ZNF710: variants seen among roughly 807,000 people sequenced by gnomAD.
ZNF710 encodes zinc finger protein 710.
ZNF710 carries 13 observed loss-of-function variants against 50.6 expected under a neutral mutation model. The ratio of observed to expected loss-of-function variants is 0.26; its 90% CI spans 0.17 to 0.41. The LOEUF is 0.41. Ranked by LOEUF, ZNF710 falls within the 10% of genes least tolerant of loss-of-function variation. The pLI, the probability that ZNF710 is intolerant of heterozygous loss-of-function variation, is 1.00. For synonymous variants in ZNF710, 383 were observed against 397.0 expected, an observed-to-expected ratio of 0.96 and a Z score of 0.42; for missense variants, 721 against 936.6, an observed-to-expected ratio of 0.77 and a Z score of 3.01.
chr15:90,036,920 C>G (rs571634832), intron 1 of ZNF710, among the ~76,000 whole-genome samples: 2 of 152,270 alleles, frequency 1.3e-5, no homozygotes, highest in South Asian at 4.1e-4. Context: ...AGAGAGGCAG[C>G]CCAGGTTGCT....
chr15:90,036,834 A>G (rs1008129723), intron 1 of ZNF710, among the ~76,000 whole-genome samples: 6 of 152,142 alleles, frequency 3.9e-5, no homozygotes, highest in Non-Finnish European at 5.9e-5. Flanking sequence ...CATGGCCTTC[A>G]AGGCTCTGTC....
chr15:90,065,452 C>T (rs1021005091), intron 1 of ZNF710, among the ~76,000 whole-genome samples: 1 of 152,188 alleles, frequency 6.6e-6, no homozygotes, highest in Non-Finnish European at 1.5e-5. Context: ...CACTGCCTGG[C>T]GTGCTGCAGT....
chr15:90,030,390 G>A (rs1898903435), intron 1 of ZNF710, among the ~76,000 whole-genome samples: 1 of 149,212 alleles, frequency 6.7e-6, no homozygotes, highest in African/African-American at 2.5e-5. Flanking sequence ...TATAGATGAG[G>A]AAACTGAGGC....
At chr15:90,036,238 C>A (rs934487943) in intron 1 of ZNF710, among the ~76,000 whole-genome samples, 2 of 127,992 alleles carry the variant, frequency 1.6e-5, no homozygotes, top group African/African-American at 5.8e-5. Flanking sequence ...CCGCCCGCCC[C>A]CCACCCCCTC....
chr15:90,019,199 T>C (rs1898542644), intron 1 of ZNF710, among the ~76,000 whole-genome samples: 1 of 148,458 alleles, frequency 6.7e-6, no homozygotes, highest in South Asian at 2.1e-4. Flanking sequence ...TTTTTTTTTT[T>C]TTTTTTTTTT....
In ZNF710 at chr15:90,062,136, C is replaced by T. The variant is rs1900027423; in HGVS notation, c.-28-4974C>T. ...CGCCTTTGTTTCTTGGCCTCCACAG[C>T]CTCATTCTCTCTCCCTCCCCCTCAC... On this transcript the variant is annotated intron_variant, in intron 1 of 4. Transcript: ENST00000268154. The surrounding 1 kb of genome is among the most constrained non-coding windows in gnomAD (Gnocchi z 5.6). Among the ~76,000 whole-genome samples, 1 of 150,506 alleles carries T rather than the reference C, an allele frequency of 6.6e-6. No individual in the cohort carries two copies. Among genetic ancestry groups the T allele is most frequent in the South Asian group, 2.1e-4 (1 of 4,758 alleles).
At chr15:90,031,032 A>AAAAC (rs1555456812) in intron 1 of ZNF710, among the ~76,000 whole-genome samples, 6 of 150,956 alleles carry the variant, frequency 4.0e-5, no homozygotes, top group Non-Finnish European at 7.4e-5. Context: ...AAAAAAGAAA[A>AAAAC]AAAAAAAAAT....
chr15:90,079,048 A>G (rs1006491488), intron 4 of ZNF710, among the ~76,000 whole-genome samples: 3 of 152,260 alleles, frequency 2.0e-5, no homozygotes, highest in African/African-American at 7.2e-5. Flanking sequence ...ACCAATGGCT[A>G]GAACCAACAG....
intron 1 of ZNF710, among the ~76,000 whole-genome samples, chr15:90,011,344 A>G (rs548185960): frequency 5.9e-5 from 9 of 152,196 alleles, no homozygotes; most frequent in African/African-American, 1.7e-4. Flanking sequence ...CCTGGCCTCA[A>G]CCCATGCTCC....
At position 90,067,446 on chromosome 15, in the gene ZNF710, G is replaced by T; in HGVS notation, c.309G>T (p.Val103=). ...CCCGGCGGAAGACGCGGCCACCTGT[G>T]CGGTTGGTGCCCAAGGTCAAGTTCG... ...KHTRRKTRPP[V]RLVPKVKFEK... is the part of the protein sequence containing the mutation. Residue 103 remains valine, a synonymous_variant, in exon 2 of 5, where the codon GTG becomes GTT. Coordinates refer to ENST00000268154, the MANE Select transcript of ZNF710 (RefSeq NM_198526.4). The surrounding 1 kb of genome is among the most constrained non-coding windows in gnomAD (Gnocchi z 8.1). 1 of 1,610,632 alleles carries T rather than the reference G, an allele frequency of 6.2e-7. No homozygotes were observed. The highest frequency in any genetic ancestry group is 8.5e-7 in the Non-Finnish European group (1 of 1,178,312).
In ZNF710 at chr15:90,067,808, C is replaced by T. The variant is rs752629448; in HGVS notation, c.671C>T (p.Ala224Val). ...TGTGGGTTCGAGCCACCCCACCTGG[C>T]CCCCCTGAGTGACCCCGAGGCCCCC... ...TECGFEPPHL[A>V]PLSDPEAPSM... Residue 224 changes from alanine to valine, a missense_variant, in exon 2 of 5, where the codon GCC becomes GTC. Physicochemically the swap from Ala to Val is moderately conservative, Grantham distance 64. This residue lies in a region of ZNF710 where 326 missense variants were observed against 347.1 expected (regional missense o/e 0.94). Coordinates refer to ENST00000268154, the MANE Select transcript of ZNF710 (RefSeq NM_198526.4). The surrounding 1 kb of genome is among the most constrained non-coding windows in gnomAD (Gnocchi z 8.1). 21 of 1,581,570 alleles carry T rather than the reference C, an allele frequency of 1.3e-5. No individual in the cohort carries two copies. The South Asian group carries it at 1.8e-4, about 14-fold the overall frequency.
In ZNF710 at chr15:90,067,023, T is replaced by G. The variant is rs1596055750; in HGVS notation, c.-28-87T>G. On this transcript the variant is annotated intron_variant, in intron 1 of 4. Coordinates refer to ENST00000268154, the MANE Select transcript of ZNF710 (RefSeq NM_198526.4). The surrounding 1 kb of genome is among the most constrained non-coding windows in gnomAD (Gnocchi z 8.1). ...ACATCAGAGCCAGACACACCCAAAA[T>G]CAGCCAAGCCCTTGTCTGTGCTGTG... 1 of 1,431,490 alleles carries G rather than the reference T, an allele frequency of 7.0e-7. No individual in the cohort carries two copies. The highest frequency in any genetic ancestry group is 1.4e-5 in the African/African-American group (1 of 69,738). 88.7% of individuals were successfully genotyped at this position (1,431,490 alleles called of 1,614,324 possible).
At position 90,082,019 on chromosome 15, in the gene ZNF710, G is replaced by A. The variant is rs1900734718; in HGVS notation, c.*2190G>A. 1 of 152,216 alleles carries A rather than the reference G, an allele frequency of 6.6e-6. No individual in the cohort carries two copies. The highest frequency in any genetic ancestry group is 1.5e-5 in the Non-Finnish European group (1 of 68,042). 9.4% of individuals were successfully genotyped at this position (152,216 alleles called of 1,614,324 possible). ...CTAACCTTCTCAAAAGAGGTGCACA[G>A]CCTCTCGGGTGACTTGGAAACTCCT... On this transcript the variant is annotated 3_prime_UTR_variant, in exon 5 of 5. Transcript: ENST00000268154.
At chr15:90,051,543 G>T (rs1899646578) in intron 1 of ZNF710, among the ~76,000 whole-genome samples, 1 of 152,032 alleles carries the variant, frequency 6.6e-6, no homozygotes, top group African/African-American at 2.4e-5. Context: ...TGAGGCAGGA[G>T]AATCGCTTGA....
chr15:90,061,118 A>C (rs1339560633), intron 1 of ZNF710, among the ~76,000 whole-genome samples: 2 of 151,704 alleles, frequency 1.3e-5, no homozygotes, highest in African/African-American at 4.9e-5. Flanking sequence ...ACCTCTGTCT[A>C]TTGGTTGTTT....
intron 1 of ZNF710, among the ~76,000 whole-genome samples, chr15:90,015,017 T>C (rs946659890): frequency 4.6e-5 from 7 of 151,692 alleles, no homozygotes; most frequent in African/African-American, 1.7e-4. Flanking sequence ...CTCAGCCTCC[T>C]GAGTAGCTGG....
chr15:90,068,200 G>A lies in ZNF710; in HGVS notation c.1063G>A (p.Val355Ile), dbSNP rs764721712. The part of the protein sequence containing the change: ...HQGTRPHKCQ[V>I]CHKAFTQTSH... ...GGGCACCCGGCCCCACAAGTGCCAG[G>A]TATGCCACAAGGCCTTCACGCAGAC... The change falls in exon 2 of 5, where the codon GTA (valine) becomes ATA (isoleucine). Residue 355 changes from valine (V) to isoleucine (I), a missense_variant. Physicochemically the swap from Val to Ile is conservative, Grantham distance 29. This residue lies in a region of ZNF710 where 326 missense variants were observed against 522.0 expected (regional missense o/e 0.62). Coordinates refer to ENST00000268154, the MANE Select transcript of ZNF710 (RefSeq NM_198526.4). This position sits in a 1 kb window ranked among gnomAD's most constrained non-coding sequence, Gnocchi z 5.0. The A allele has an allele frequency of 6.2e-7, 1 of 1,613,958 alleles. No homozygotes were observed. The highest frequency in any genetic ancestry group is 8.5e-7 in the Non-Finnish European group (1 of 1,180,026).
chr15:90,011,292 T>C (rs949525721), intron 1 of ZNF710, among the ~76,000 whole-genome samples: 1 of 151,814 alleles, frequency 6.6e-6, no homozygotes, highest in Non-Finnish European at 1.5e-5. Context: ...TTTTATTTTT[T>C]AGAGGCAGTT....
chr15:90,043,507 G>A (rs963565442), intron 1 of ZNF710, among the ~76,000 whole-genome samples: 1 of 152,242 alleles, frequency 6.6e-6, no homozygotes, highest in Non-Finnish European at 1.5e-5. Context: ...AACCTGTTTC[G>A]GGGAAGCCTT....
Sources: gnomAD v4.1 joint callset for allele counts (sites outside exome capture counted in the v4.1 genomes callset) on GRCh38, gnomAD v4.1.1 for gene constraint, gnomAD v4.1.1 regional missense constraint, Gnocchi (gnomAD v3.1) non-coding constraint, MANE v1.5 for transcripts, NCBI Gene and HGNC (gene_info 2026-07-23, HGNC 2026-07-21) for gene names.